SLC35D4: variants seen among roughly 807,000 people sequenced by gnomAD.
SLC35D4 encodes solute carrier family 35 member D4, also known as UDP-N-acetylglucosamine transporter SLC35D4.
chr18:23,294,318 A>T, the SLC35D4 span, among the ~76,000 whole-genome samples: 1 of 152,160 alleles, frequency 6.6e-6, no homozygotes, highest in Admixed American at 6.5e-5. Flanking sequence ...AGACTCCCTA[A>T]GCAGAAAATG....
chr18:23,405,227 A>G, the SLC35D4 span, among the ~76,000 whole-genome samples: 4 of 151,872 alleles, frequency 2.6e-5, no homozygotes. Context: ...TCGCTCTGTC[A>G]CCCTGGCTGG....
chr18:23,309,547 A>T, the SLC35D4 span: 1 of 727,886 alleles, frequency 1.4e-6, no homozygotes. Flanking sequence ...CTTCGCTAAT[A>T]TGAGATTTGC....
chr18:23,279,864 T>G, the SLC35D4 span, among the ~76,000 whole-genome samples: 1 of 152,102 alleles, frequency 6.6e-6, no homozygotes, highest in Non-Finnish European at 1.5e-5. Context: ...TACACACACA[T>G]GTATTTTTTC....
At chr18:23,377,182 A>G in the SLC35D4 span, among the ~76,000 whole-genome samples, 911 of 152,314 alleles carry the variant, frequency 6.0e-3, 11 homozygotes, top group African/African-American at 0.021. Flanking sequence ...GTAGCTGAGG[A>G]AACTGAGGCA....
the SLC35D4 span, among the ~76,000 whole-genome samples, chr18:23,344,544 A>G: frequency 6.8e-6 from 1 of 148,130 alleles, no homozygotes; most frequent in Non-Finnish European, 1.5e-5. Context: ...TGATTTGCAG[A>G]TATTTTCTCC....
the SLC35D4 span, among the ~76,000 whole-genome samples, chr18:23,242,799 G>A: frequency 5.9e-5 from 9 of 151,972 alleles, no homozygotes; most frequent in Non-Finnish European, 1.2e-4. Context: ...TTTATTTACC[G>A]AATATTAAAA....
the SLC35D4 span, among the ~76,000 whole-genome samples, chr18:23,283,666 AG>A: frequency 6.6e-6 from 1 of 151,728 alleles, no homozygotes; most frequent in African/African-American, 2.4e-5. Flanking sequence ...AAAATTAGCC[AG>A]GTGTGGTGGC....
the SLC35D4 span, among the ~76,000 whole-genome samples, chr18:23,380,728 G>A: frequency 6.6e-6 from 1 of 152,046 alleles, no homozygotes; most frequent in Non-Finnish European, 1.5e-5. Flanking sequence ...AAATAATTCT[G>A]CAAGGTAGTT....
the SLC35D4 span, among the ~76,000 whole-genome samples, chr18:23,238,532 T>C: frequency 6.6e-6 from 1 of 152,196 alleles, no homozygotes; most frequent in East Asian, 1.9e-4. Context: ...TTACTTTTCT[T>C]CCACTCTATG....
the SLC35D4 span, among the ~76,000 whole-genome samples, chr18:23,403,476 A>G: frequency 6.6e-6 from 1 of 152,234 alleles, no homozygotes; most frequent in African/African-American, 2.4e-5. Context: ...CATTCCAGAC[A>G]TAAACACGGC....
At chr18:23,275,647 C>A in the SLC35D4 span, among the ~76,000 whole-genome samples, 1 of 122,394 alleles carries the variant, frequency 8.2e-6, no homozygotes, top group East Asian at 2.0e-4. Context: ...CTGTGCTGTG[C>A]TGTGCTGTGC....
chr18:23,364,924 A>G, the SLC35D4 span, among the ~76,000 whole-genome samples: 18 of 1,688 alleles, frequency 0.011, 2 homozygotes, highest in Middle Eastern at 0.17. Context: ...AAAAAAAAAA[A>G]AAAAAAAAAG....
chr18:23,357,506 C>G, the SLC35D4 span, among the ~76,000 whole-genome samples: 2 of 152,220 alleles, frequency 1.3e-5, no homozygotes, highest in Non-Finnish European at 2.9e-5. Flanking sequence ...TCTGGAATTT[C>G]TGAACCCCTT....
At chr18:23,281,480 G>A in the SLC35D4 span, among the ~76,000 whole-genome samples, 41 of 152,052 alleles carry the variant, frequency 2.7e-4, no homozygotes, top group South Asian at 4.4e-3. Context: ...GCACAACCAC[G>A]CCCAACTAAT....
At chr18:23,309,892 G>A in the SLC35D4 span, 36 of 769,528 alleles carry the variant, frequency 4.7e-5, no homozygotes, top group East Asian at 7.2e-4. Context: ...TTCCCCACAC[G>A]CTTCCTAGTC....
At chr18:23,359,204 G>T in the SLC35D4 span, among the ~76,000 whole-genome samples, 20 of 152,126 alleles carry the variant, frequency 1.3e-4, no homozygotes, top group Admixed American at 3.9e-4. Context: ...GGCTAAGATG[G>T]TGAAACCCCA....
chr18:23,278,948 G>A, the SLC35D4 span, among the ~76,000 whole-genome samples: 2 of 151,740 alleles, frequency 1.3e-5, no homozygotes, highest in African/African-American at 4.8e-5. Context: ...GGGAGTTTGA[G>A]GCTGCCGTGA....
the SLC35D4 span, among the ~76,000 whole-genome samples, chr18:23,249,494 G>A: frequency 1.8e-4 from 28 of 152,308 alleles, no homozygotes; most frequent in Middle Eastern, 3.4e-3. Context: ...GTGCAGGTGC[G>A]AGGCCCCACC....
the SLC35D4 span, among the ~76,000 whole-genome samples, chr18:23,267,045 C>A: frequency 2.2e-4 from 33 of 152,224 alleles, no homozygotes; most frequent in Admixed American, 2.2e-3. Context: ...CCACACTCTG[C>A]CCTAAACCGC....
Sources: allele counts gnomAD v4.1 joint callset (sites outside exome capture counted in the v4.1 genomes callset), GRCh38; gene constraint gnomAD v4.1.1; transcripts MANE v1.5; gene names NCBI Gene and HGNC (gene_info 2026-07-23, HGNC 2026-07-21).